KATNAL2: variants seen among roughly 807,000 people sequenced by gnomAD.
KATNAL2 encodes katanin p60 ATPase-containing subunit A-like 2.
In KATNAL2, 52 loss-of-function variants were observed where a neutral mutation model predicts 76.3. That is an observed-to-expected ratio of 0.68 (90% CI 0.55 to 0.86). KATNAL2 has a LOEUF of 0.86. Ranked by LOEUF, KATNAL2 falls within the 40% of genes least tolerant of loss-of-function variation. The pLI, the probability that KATNAL2 is intolerant of heterozygous loss-of-function variation, is 0.00. For missense variants in KATNAL2, 660 were observed against 668.9 expected (o/e 0.99, Z 0.15); for synonymous variants, 243 against 244.2 (o/e 1.00, Z 0.05).
chr18:46,947,069 G>T, intron 3 of KATNAL2, 146 bp downstream of exon 3: 1 of 674,112 alleles, frequency 1.5e-6, no homozygotes, highest in South Asian at 1.7e-5. Context: ...CGGCCGAGGT[G>T]GTTAAATCCC....
rs369811935 is a variant in KATNAL2, at chr18:47,100,317, G to A, written c.1438G>A (p.Val480Met). The A allele has an allele frequency of 1.3e-5, 21 of 1,614,012 alleles. No individual in the cohort carries two copies. Among genetic ancestry groups the A allele is most frequent in the Admixed American group, 5.0e-5 (3 of 60,006 alleles). The change falls in exon 17 of 18, where the codon GTG becomes ATG. Residue 480 changes from valine (V) to methionine (M), a missense_variant. Transcript: ENST00000683218. ...CTGCAGGGAAGCAGCCATGCGGCCCGTGAGGAAGATCTTTGATGCACTTGA... is the reference window on the plus strand; with the variant it reads ...CTGCAGGGAAGCAGCCATGCGGCCCATGAGGAAGATCTTTGATGCACTTGA... Reference protein sequence around the residue: ...LVCREAAMRPVRKIFDALENH... With the variant: ...LVCREAAMRPMRKIFDALENH...
At chr18:46,929,245 T>C (rs188444297) in intron 1 of KATNAL2, among the ~76,000 whole-genome samples, 18 of 151,748 alleles carry the variant, frequency 1.2e-4, no homozygotes, top group African/African-American at 2.9e-4. Context: ...ATTCTTTTTT[T>C]GTTTTTTTAT....
intron 1 of KATNAL2, among the ~76,000 whole-genome samples, chr18:46,919,089 G>A (rs1204839946): frequency 6.6e-6 from 1 of 151,562 alleles, no homozygotes; most frequent in Non-Finnish European, 1.5e-5. Context: ...AGTGGCTCAT[G>A]CCTGTAATCC....
chr18:47,037,606 C>T (rs543197307), intron 3 of KATNAL2, among the ~76,000 whole-genome samples: 54 of 151,716 alleles, frequency 3.6e-4, no homozygotes, highest in African/African-American at 1.2e-3. Context: ...GTAGATCTGG[C>T]CAACTTTATA....
chr18:47,072,378 C>T (rs2062038170), intron 13 of KATNAL2, among the ~76,000 whole-genome samples: 1 of 152,200 alleles, frequency 6.6e-6, no homozygotes, highest in Non-Finnish European at 1.5e-5. Context: ...GCTGGAGCAG[C>T]CCTGCAGAAC....
intron 3 of KATNAL2, among the ~76,000 whole-genome samples, chr18:47,043,663 G>A (rs1312466876): frequency 6.6e-6 from 1 of 152,140 alleles, no homozygotes; most frequent in Non-Finnish European, 1.5e-5. Context: ...GGAGGATAGA[G>A]GCTCCAAGAG....
At chr18:46,947,617 A>G (rs2059421140) in intron 3 of KATNAL2, among the ~76,000 whole-genome samples, 1 of 152,306 alleles carries the variant, frequency 6.6e-6, no homozygotes, top group Admixed American at 6.5e-5. Context: ...AAGTTAAAAA[A>G]TACTTCTACC....
At chr18:46,960,160 G>C (rs1245537069) in intron 3 of KATNAL2, among the ~76,000 whole-genome samples, 2 of 152,198 alleles carry the variant, frequency 1.3e-5, no homozygotes, top group Non-Finnish European at 2.9e-5. Flanking sequence ...AAAGCGGCTG[G>C]GCACTGTGGC....
rs1371175981 is a variant in KATNAL2 at position 47,101,079 on chromosome 18, C to CAA, written c.*77_*78dup. 16 of 1,521,390 alleles carry CAA rather than the reference C, an allele frequency of 1.1e-5. No individual in the cohort carries two copies. Among genetic ancestry groups the CAA allele is most frequent in the Non-Finnish European group, 1.4e-5 (15 of 1,105,574 alleles). The allele number at this position is 1,521,390 out of a possible 1,614,324, so 94.2% of individuals were successfully genotyped here. On this transcript the variant is annotated 3_prime_UTR_variant, in exon 18 of 18. Coordinates refer to ENST00000683218, the MANE Select transcript of KATNAL2 (RefSeq NM_001387690.1). ...TAGTTTATTAATGTCCGTGGGAGAA[C>CAA]AAAATGATTGGAATGGAAAAGAGAA...
At chr18:47,068,659 C>T (rs142174755) in intron 11 of KATNAL2, among the ~76,000 whole-genome samples, 13 of 152,254 alleles carry the variant, frequency 8.5e-5, no homozygotes, top group Non-Finnish European at 1.5e-4. Context: ...CCCACATTCC[C>T]GAGATTGTTT....
At chr18:46,945,027 G>A (rs556075238) in intron 1 of KATNAL2, among the ~76,000 whole-genome samples, 15 of 152,356 alleles carry the variant, frequency 9.8e-5, no homozygotes, top group African/African-American at 3.1e-4. Context: ...TTTGGTATCA[G>A]TGGGAACCAT....
chr18:46,932,072 G>A (rs1385059186), intron 1 of KATNAL2, among the ~76,000 whole-genome samples: 6 of 151,726 alleles, frequency 4.0e-5, no homozygotes, highest in Non-Finnish European at 8.8e-5. Flanking sequence ...TACCATGCCC[G>A]GCTAATTTTT....
intron 3 of KATNAL2, among the ~76,000 whole-genome samples, chr18:47,045,400 A>C (rs1223958506): frequency 6.7e-6 from 1 of 150,086 alleles, no homozygotes; most frequent in East Asian, 2.0e-4. Flanking sequence ...ATCTTGGCTC[A>C]CTGCAACCTC....
At chr18:47,046,386 T>A (rs2061157528) in intron 3 of KATNAL2, 71 bp from the exon 4 acceptor site, 1 of 1,044,304 alleles carries the variant, frequency 9.6e-7, no homozygotes, top group Non-Finnish European at 1.4e-6. Context: ...ACATTTACCT[T>A]CCAGGGTTTA....
At chr18:47,054,568 C>A in intron 6 of KATNAL2, 130 bp downstream of exon 6, 1 of 899,114 alleles carries the variant, frequency 1.1e-6, no homozygotes, top group Non-Finnish European at 1.8e-6. Context: ...GTGACCTGGC[C>A]CAGCCCAGGA....
chr18:46,951,469 G>T (rs2059553264), intron 3 of KATNAL2, among the ~76,000 whole-genome samples: 1 of 144,266 alleles, frequency 6.9e-6, no homozygotes, highest in Non-Finnish European at 1.5e-5. Context: ...TTCTCCTGCT[G>T]TGTCAACTCA....
rs143151538 is a variant in KATNAL2, at chr18:46,934,455, A to C, written c.-509-11602A>C. On this transcript the variant is annotated intron_variant, in intron 1 of 17. Coordinates refer to ENST00000683218, the MANE Select transcript of KATNAL2 (RefSeq NM_001387690.1). ...GCTGCATAAATGTCTTCTTTTGAGA[A>C]GTGTCTGTTCATATCTTTCGCCCAC... 3.1e-3 allele frequency among the ~76,000 whole-genome samples: 470 copies of C among 152,278 alleles called. 2 individuals carry two copies. Among genetic ancestry groups the C allele is most frequent in the East Asian group, 0.013 (70 of 5,186 alleles).
chr18:47,087,076 C>T (rs756552959), intron 15 of KATNAL2, among the ~76,000 whole-genome samples: 8 of 152,048 alleles, frequency 5.3e-5, no homozygotes, highest in Non-Finnish European at 8.8e-5. Context: ...CAAGTATTAC[C>T]ATCTTTGTAT....
At chr18:46,927,068 C>A (rs1315931186) in intron 1 of KATNAL2, among the ~76,000 whole-genome samples, 1 of 152,168 alleles carries the variant, frequency 6.6e-6, no homozygotes, top group Non-Finnish European at 1.5e-5. Flanking sequence ...TTAATTGGAG[C>A]ATTTAGCCCA....
Sources: allele counts gnomAD v4.1 joint callset (sites outside exome capture counted in the v4.1 genomes callset), GRCh38; gene constraint gnomAD v4.1.1; transcripts MANE v1.5; gene names NCBI Gene and HGNC (gene_info 2026-07-23, HGNC 2026-07-21).